UBE3D: variants seen among roughly 807,000 people sequenced by gnomAD.
UBE3D encodes E3 ubiquitin-protein ligase E3D.
UBE3D carries 48 observed loss-of-function variants against 49.6 expected under a neutral mutation model. The ratio of observed to expected loss-of-function variants is 0.97; its 90% CI spans 0.77 to 1.23. UBE3D has a LOEUF of 1.23. Ranked by LOEUF, UBE3D falls within the 50% of genes most tolerant of loss-of-function variation. UBE3D has a pLI of 0.00. For synonymous variants in UBE3D, 189 were observed against 174.2 expected, an observed-to-expected ratio of 1.08 and a Z score of -0.67; for missense variants, 452 against 468.4, an observed-to-expected ratio of 0.96 and a Z score of 0.32.
chr6:82,926,110 T>C lies in UBE3D; in HGVS notation c.1149+31202A>G, dbSNP rs113148683. 4.7e-3 allele frequency among the ~76,000 whole-genome samples: 723 copies of C among 152,304 alleles called. 10 individuals are homozygous for C. Among genetic ancestry groups the C allele is most frequent in the African/African-American group, 0.016 (677 of 41,584 alleles). ...AGAAGGAAACCCCAGCTTGCTTTACTCAAGCCCCTTTCAATTCACCTGACT... is the reference window on the plus strand; with the variant it reads ...AGAAGGAAACCCCAGCTTGCTTTACCCAAGCCCCTTTCAATTCACCTGACT... On this transcript the variant is annotated intron_variant, in intron 9 of 9. Transcript: ENST00000369747.
At position 82,966,513 on chromosome 6, in the gene UBE3D, A is replaced by G. The variant is rs1302922861; in HGVS notation, c.1011-9063T>C. On this transcript the variant is annotated intron_variant, in intron 8 of 9. Transcript: ENST00000369747. ...AAAATACAAAAAATTAGCCGGGCGT[A>G]GTGGCGGGCGCCTGTAGTCCCAGCT... Among the ~76,000 whole-genome samples, 6 of 119,442 alleles carry G rather than the reference A, an allele frequency of 5.0e-5. 3 individuals carry two copies. The highest frequency in any genetic ancestry group is 5.4e-4 in the South Asian group (2 of 3,686). 78.4% of individuals were successfully genotyped at this position (119,442 alleles called of 152,430 possible).
At chr6:82,973,174 T>G (rs1777473014) in intron 8 of UBE3D, among the ~76,000 whole-genome samples, 1 of 152,164 alleles carries the variant, frequency 6.6e-6, no homozygotes, top group Non-Finnish European at 1.5e-5. Flanking sequence ...TCCCAAGTTA[T>G]TTGGCATAGA....
intron 5 of UBE3D, chr6:83,037,686 A>G (rs939150766): frequency 6.6e-6 from 1 of 152,248 alleles, no homozygotes; most frequent in Non-Finnish European, 1.5e-5. Flanking sequence ...AAAAGTAATT[A>G]TTCATCATCC....
chr6:82,927,537 C>A (rs1413385497), intron 9 of UBE3D, among the ~76,000 whole-genome samples: 1 of 151,978 alleles, frequency 6.6e-6, no homozygotes, highest in African/African-American at 2.4e-5. Context: ...TCTTTGATTT[C>A]TTTCATCAGA....
chr6:83,059,844 C>T (rs1185571504), intron 1 of UBE3D, among the ~76,000 whole-genome samples: 1 of 152,104 alleles, frequency 6.6e-6, no homozygotes, highest in Non-Finnish European at 1.5e-5. Flanking sequence ...TGGAGGGCAT[C>T]CACCAGGAGG....
intron 8 of UBE3D, among the ~76,000 whole-genome samples, chr6:82,992,499 A>G (rs372265748): frequency 1.7e-3 from 252 of 152,340 alleles, no homozygotes; most frequent in African/African-American, 5.9e-3. Flanking sequence ...CTGGGATTAC[A>G]GGCGTGAGCC....
At chr6:82,994,217 A>G (rs927211166) in intron 8 of UBE3D, among the ~76,000 whole-genome samples, 2 of 152,204 alleles carry the variant, frequency 1.3e-5, no homozygotes, top group Non-Finnish European at 2.9e-5. Context: ...TACCCATGCA[A>G]TACTTATAAC....
At chr6:82,932,455 C>A (rs545604767) in intron 9 of UBE3D, 1 of 152,250 alleles carries the variant, frequency 6.6e-6, no homozygotes, top group South Asian at 2.1e-4. Context: ...TCCTTATACT[C>A]CATGCTGTGA....
At chr6:82,981,852 A>C (rs1778140176) in intron 8 of UBE3D, among the ~76,000 whole-genome samples, 1 of 152,262 alleles carries the variant, frequency 6.6e-6, no homozygotes, top group East Asian at 1.9e-4. Context: ...ACAAAGTAGT[A>C]ATGTATATAC....
intron 6 of UBE3D, among the ~76,000 whole-genome samples, chr6:83,023,715 G>A (rs945383204): frequency 5.3e-5 from 8 of 152,124 alleles, no homozygotes; most frequent in African/African-American, 1.9e-4. Flanking sequence ...TAATACAATG[G>A]ACTTTGAGGA....
At chr6:82,910,761 A>G (rs1772444599) in intron 9 of UBE3D, among the ~76,000 whole-genome samples, 1 of 152,222 alleles carries the variant, frequency 6.6e-6, no homozygotes, top group African/African-American at 2.4e-5. Context: ...AGTTGAAAAC[A>G]TAAAAATAAA....
chr6:83,012,435 T>C (rs1357058752), intron 8 of UBE3D, among the ~76,000 whole-genome samples: 2 of 152,070 alleles, frequency 1.3e-5, no homozygotes, highest in Non-Finnish European at 2.9e-5. Context: ...CCTTGGTGAG[T>C]GAAAGTCCAT....
intron 8 of UBE3D, among the ~76,000 whole-genome samples, chr6:83,016,870 T>G (rs780368378): frequency 1.3e-5 from 2 of 152,160 alleles, no homozygotes; most frequent in African/African-American, 2.4e-5. Flanking sequence ...TGGAGAAAGA[T>G]GTAGGCTGGG....
At chr6:82,954,659 T>G (rs945230314) in intron 9 of UBE3D, among the ~76,000 whole-genome samples, 7 of 152,140 alleles carry the variant, frequency 4.6e-5, no homozygotes, top group African/African-American at 7.2e-5. Context: ...TTAAAAAATG[T>G]GCATGAAAGT....
chr6:83,054,554 A>G (rs1198581484), intron 2 of UBE3D, among the ~76,000 whole-genome samples: 1 of 152,368 alleles, frequency 6.6e-6, no homozygotes, highest in African/African-American at 2.4e-5. Flanking sequence ...CTTCTCATCA[A>G]GCTAACTACA....
At chr6:82,890,006 A>T (rs1770952307), downstream of UBE3D, among the ~76,000 whole-genome samples, 1 of 151,894 alleles carries the variant, frequency 6.6e-6, no homozygotes. Context: ...TTGGTGCTTT[A>T]CTAAGAGGTC....
chr6:83,051,450 A>T (rs1025327775), intron 3 of UBE3D, among the ~76,000 whole-genome samples: 9 of 152,234 alleles, frequency 5.9e-5, no homozygotes, highest in Non-Finnish European at 1.2e-4. Context: ...TCCTGTTCCA[A>T]TGAAACACAA....
intron 2 of UBE3D, among the ~76,000 whole-genome samples, chr6:83,056,191 T>C (rs888654205): frequency 1.3e-5 from 2 of 152,230 alleles, no homozygotes; most frequent in African/African-American, 4.8e-5. Flanking sequence ...GTATATTCAG[T>C]TACAGAATAC....
At chr6:83,001,205 C>T (rs952986041) in intron 8 of UBE3D, among the ~76,000 whole-genome samples, 13 of 152,180 alleles carry the variant, frequency 8.5e-5, no homozygotes, top group African/African-American at 2.9e-4. Context: ...GATTTGTTCT[C>T]ATAGCACCAT....
Sources: allele counts gnomAD v4.1 joint callset (sites outside exome capture counted in the v4.1 genomes callset), GRCh38; gene constraint gnomAD v4.1.1; transcripts MANE v1.5; gene names NCBI Gene and HGNC (gene_info 2026-07-23, HGNC 2026-07-21).